Variants in ATP8B4 observed in about 807,000 individuals in gnomAD.
The protein encoded by ATP8B4 is probable phospholipid-transporting ATPase IM.
In ATP8B4, 133 loss-of-function variants were observed where a neutral mutation model predicts 145.6. The ratio of observed to expected loss-of-function variants is 0.91; its 90% CI spans 0.79 to 1.05. The LOEUF (loss-of-function observed/expected upper bound fraction) is 1.05, where lower values mean the gene tolerates loss of function less well. Among genes scored for constraint, ATP8B4 ranks in the 50% least tolerant of loss-of-function variants. The pLI, the probability that ATP8B4 is intolerant of heterozygous loss-of-function variation, is 0.00. For missense variants in ATP8B4, 1,458 were observed against 1,425.2 expected (o/e 1.02, Z -0.37); for synonymous variants, 507 against 492.9 (o/e 1.03, Z -0.38).
chr15:50,021,377 A>G (rs897928462), intron 6 of ATP8B4, among the ~76,000 whole-genome samples: 1 of 152,178 alleles, frequency 6.6e-6, no homozygotes, highest in East Asian at 1.9e-4. Flanking sequence ...TTCTCATTAC[A>G]TTTAACATAA....
At chr15:49,925,023 G>A (rs2040589637) in intron 16 of ATP8B4, among the ~76,000 whole-genome samples, 1 of 152,022 alleles carries the variant, frequency 6.6e-6, no homozygotes, top group Non-Finnish European at 1.5e-5. Context: ...TCTAGACTAG[G>A]ACATTAGTTC....
intron 2 of ATP8B4, among the ~76,000 whole-genome samples, chr15:50,104,145 G>GA (rs1487334594): frequency 2.6e-5 from 4 of 152,080 alleles, no homozygotes; most frequent in African/African-American, 9.7e-5. Flanking sequence ...GATAACATGA[G>GA]AAAAACCCTT....
intron 27 of ATP8B4, 91 bp from the exon 28 acceptor site, chr15:49,860,566 T>A (rs2031481225): frequency 4.3e-6 from 6 of 1,404,314 alleles, no homozygotes; most frequent in East Asian, 2.4e-5. Flanking sequence ...CCTTTTTTTT[T>A]TATAAGTAAA....
At chr15:50,165,294 CT>C (rs1374456977) in intron 1 of ATP8B4, among the ~76,000 whole-genome samples, 6 of 152,180 alleles carry the variant, frequency 3.9e-5, no homozygotes, top group African/African-American at 1.4e-4. Context: ...CTCCAGTGAT[CT>C]GCCCGCCTCA....
chr15:49,992,431 G>C (rs2047113770), intron 9 of ATP8B4, among the ~76,000 whole-genome samples: 1 of 152,176 alleles, frequency 6.6e-6, no homozygotes, highest in Non-Finnish European at 1.5e-5. Context: ...TACATTTGCT[G>C]AATGAATAAT....
intron 10 of ATP8B4, among the ~76,000 whole-genome samples, chr15:49,982,776 C>T (rs1406684179): frequency 6.6e-6 from 1 of 152,144 alleles, no homozygotes; most frequent in Non-Finnish European, 1.5e-5. Context: ...CTACACTCAA[C>T]AGCCTCCGTT....
chr15:50,061,951 C>T (rs2053058405), intron 3 of ATP8B4, among the ~76,000 whole-genome samples: 1 of 152,188 alleles, frequency 6.6e-6, no homozygotes, highest in Non-Finnish European at 1.5e-5. Context: ...TAAGCTAACA[C>T]TATTCATTTT....
At chr15:50,062,180 G>A (rs1036179327) in intron 3 of ATP8B4, among the ~76,000 whole-genome samples, 8 of 152,178 alleles carry the variant, frequency 5.3e-5, no homozygotes, top group African/African-American at 1.9e-4. Context: ...CAGTGTTGGA[G>A]GTGGGGCCTA....
chr15:49,905,414 A>C (rs747065721), intron 20 of ATP8B4, among the ~76,000 whole-genome samples: 27 of 152,212 alleles, frequency 1.8e-4, no homozygotes, highest in Non-Finnish European at 3.5e-4. Flanking sequence ...TTCATCCCAA[A>C]GCTGTAGGCT....
intron 6 of ATP8B4, among the ~76,000 whole-genome samples, chr15:50,034,929 A>G (rs1430683717): frequency 6.6e-6 from 1 of 152,248 alleles, no homozygotes; most frequent in African/African-American, 2.4e-5. Flanking sequence ...ACTTGCCAAC[A>G]GTATCTTGTA....
intron 1 of ATP8B4, among the ~76,000 whole-genome samples, chr15:50,158,497 C>T (rs1487356259): frequency 5.9e-5 from 9 of 151,460 alleles, no homozygotes; most frequent in Middle Eastern, 3.4e-3. Context: ...GGGGCGCCTC[C>T]GCCCGGCCAG....
intron 3 of ATP8B4, among the ~76,000 whole-genome samples, chr15:50,059,513 G>C (rs952035704): frequency 6.6e-6 from 1 of 152,084 alleles, no homozygotes; most frequent in African/African-American, 2.4e-5. Context: ...CCTTTCCCCT[G>C]TTCCTTGAAT....
At chr15:49,868,278 A>G (rs904185288) in intron 25 of ATP8B4, among the ~76,000 whole-genome samples, 3 of 152,256 alleles carry the variant, frequency 2.0e-5, no homozygotes, top group African/African-American at 4.8e-5. Context: ...CAACAACTAT[A>G]TAGTGAAGCA....
intron 3 of ATP8B4, among the ~76,000 whole-genome samples, chr15:50,058,960 GA>G (rs34248262): frequency 0.16 from 22,615 of 145,418 alleles, 2,465 homozygotes; most frequent in African/African-American, 0.31. Context: ...GGAGGGCAGG[GA>G]AAAAAAAAAG....
At chr15:50,006,198 A>T (rs1317469840) in intron 7 of ATP8B4, among the ~76,000 whole-genome samples, 1 of 152,048 alleles carries the variant, frequency 6.6e-6, no homozygotes, top group Non-Finnish European at 1.5e-5. Flanking sequence ...AAGAATAAGA[A>T]AAAGATGGTG....
At chr15:50,165,582 C>T (rs1463595692) in intron 1 of ATP8B4, among the ~76,000 whole-genome samples, 1 of 151,770 alleles carries the variant, frequency 6.6e-6, no homozygotes, top group Non-Finnish European at 1.5e-5. Context: ...AAGTCAACAA[C>T]ATGTGTGAGA....
chr15:49,943,887 A>G (rs977993701), intron 14 of ATP8B4, among the ~76,000 whole-genome samples: 1 of 152,240 alleles, frequency 6.6e-6, no homozygotes, highest in Admixed American at 6.5e-5. Context: ...GACAGACCAA[A>G]CTATTTAAAA....
chr15:49,960,287 A>G (rs750381736), intron 14 of ATP8B4, among the ~76,000 whole-genome samples: 10 of 152,180 alleles, frequency 6.6e-5, no homozygotes, highest in African/African-American at 1.4e-4. Flanking sequence ...TCAGCCTCCC[A>G]AAGTGCTGGG....
intron 12 of ATP8B4, among the ~76,000 whole-genome samples, chr15:49,978,724 C>G (rs2045885992): frequency 7.1e-6 from 1 of 139,908 alleles, no homozygotes; most frequent in African/African-American, 2.6e-5. Context: ...GGGCCAATTT[C>G]TAAGCTTTAT....
Sources: allele counts gnomAD v4.1 joint callset (sites outside exome capture counted in the v4.1 genomes callset), GRCh38; gene constraint gnomAD v4.1.1; transcripts MANE v1.5; gene names NCBI Gene and HGNC (gene_info 2026-07-23, HGNC 2026-07-21).